MYO7B: variants seen among roughly 807,000 people sequenced by gnomAD.
The protein encoded by MYO7B is unconventional myosin-VIIb.
Under a neutral mutation model 259.7 loss-of-function variants are expected in MYO7B, and 212 were observed. The ratio of observed to expected loss-of-function variants is 0.82; its 90% CI spans 0.73 to 0.91. The LOEUF (loss-of-function observed/expected upper bound fraction) is 0.91. Among genes scored for constraint, MYO7B ranks in the 40% least tolerant of loss-of-function variants. The pLI is 0.00. For synonymous variants in MYO7B, 1,197 were observed against 1,166.4 expected (o/e 1.03, Z -0.54); for missense variants, 2,732 against 2,813.5 (o/e 0.97, Z 0.66).
Position 127,564,108 on chromosome 2 carries a change from A to G in MYO7B, c.19-45A>G, listed in dbSNP as rs150673911. The G allele has an allele frequency of 3.3e-4, 438 of 1,333,756 alleles. 7 individuals carry two copies. In the East Asian group the frequency reaches 0.011, roughly 35 times the overall value. The allele number at this position is 1,333,756 out of a possible 1,614,324, so 82.6% of individuals were successfully genotyped here. A position where few individuals can be genotyped will look rare whatever the true frequency, so the allele number is the denominator to read the frequency against. ...GAAGTAAGTATCCAGCAGGGAGGGG[A>G]AGAGAGAGCGGGGATCACACCACTG... On this transcript the variant is annotated intron_variant, in intron 2 of 47. Coordinates refer to ENST00000409816, the MANE Select transcript of MYO7B (RefSeq NM_001393586.1).
intron 1 of MYO7B, among the ~76,000 whole-genome samples, chr2:127,551,933 G>A (rs928028590): frequency 2.0e-5 from 3 of 152,284 alleles, no homozygotes; most frequent in South Asian, 2.1e-4. Context: ...GGAGGTGCAG[G>A]CCATGAGACC....
chr2:127,621,227 A>G (rs1680821821), intron 27 of MYO7B, among the ~76,000 whole-genome samples: 1 of 149,230 alleles, frequency 6.7e-6, no homozygotes, highest in African/African-American at 2.5e-5. Flanking sequence ...TTTCTTGAGC[A>G]TGTTGGGGAC....
At chr2:127,537,942 G>T (rs899392292) in intron 1 of MYO7B, among the ~76,000 whole-genome samples, 5 of 152,198 alleles carry the variant, frequency 3.3e-5, no homozygotes, top group Admixed American at 2.0e-4. Context: ...TGTCATTGTA[G>T]ACTCTGTTGT....
chr2:127,596,722 A>G (rs1440087451), intron 19 of MYO7B, among the ~76,000 whole-genome samples, 166 bp downstream of exon 19: 1 of 152,232 alleles, frequency 6.6e-6, no homozygotes, highest in Non-Finnish European at 1.5e-5. Context: ...TATGTTGGCC[A>G]GAGAATTCAG....
Position 127,576,772 on chromosome 2 carries a change from T to C in MYO7B, c.849+64T>C. 8.2e-7 allele frequency: 1 copy of C among 1,224,748 alleles called. No homozygotes were observed. The highest frequency in any genetic ancestry group is 1.2e-6 in the Non-Finnish European group (1 of 856,716). 75.9% of individuals were successfully genotyped at this position (1,224,748 alleles called of 1,614,324 possible). A position where few individuals can be genotyped will look rare whatever the true frequency, so the allele number is the denominator to read the frequency against. Reference sequence around the variant, plus strand: ...AGGGAGGAAAAAGAGCTTGTGCCGCTCCACCCTCCGCGACAGCTGCAGAGA... The same window carrying C: ...AGGGAGGAAAAAGAGCTTGTGCCGCCCCACCCTCCGCGACAGCTGCAGAGA... On this transcript the variant is annotated intron_variant, in intron 8 of 47. Coordinates refer to ENST00000409816, the MANE Select transcript of MYO7B (RefSeq NM_001393586.1). This position sits in a 1 kb window ranked among gnomAD's most constrained non-coding sequence, Gnocchi z 4.9.
chr2:127,633,425 C>T, intron 40 of MYO7B, 62 bp downstream of exon 40: 5 of 1,506,246 alleles, frequency 3.3e-6, no homozygotes, highest in Non-Finnish European at 4.6e-6. Context: ...GGGGCATCCT[C>T]CTTCCTGGCC....
chr2:127,593,366 C>T (rs1406168196), intron 17 of MYO7B, among the ~76,000 whole-genome samples, 180 bp from the exon 18 acceptor site: 1 of 151,874 alleles, frequency 6.6e-6, no homozygotes, highest in Non-Finnish European at 1.5e-5. Flanking sequence ...CCCCGGGCCC[C>T]GAGTTCCCTC....
chr2:127,549,886 G>A (rs1693382373), intron 1 of MYO7B, among the ~76,000 whole-genome samples: 1 of 152,128 alleles, frequency 6.6e-6, no homozygotes, highest in Non-Finnish European at 1.5e-5. Context: ...CATCCAAATG[G>A]CTTACCCCAA....
chr2:127,601,803 T>C (rs908887900), intron 19 of MYO7B, among the ~76,000 whole-genome samples: 3 of 152,182 alleles, frequency 2.0e-5, no homozygotes, highest in African/African-American at 7.2e-5. Flanking sequence ...CATCAACAGA[T>C]TCTTGGAAAC....
At chr2:127,545,803 G>A (rs1693206607) in intron 1 of MYO7B, among the ~76,000 whole-genome samples, 1 of 152,224 alleles carries the variant, frequency 6.6e-6, no homozygotes, top group African/African-American at 2.4e-5. Context: ...AGTAAGTGCT[G>A]CTCTTGTAAT....
rs567773773 is a variant in MYO7B at position 127,605,825 on chromosome 2, G to A, written c.2340-19G>A. 3.7e-6 allele frequency: 6 copies of A among 1,611,266 alleles called. No homozygotes were observed. The South Asian group carries it at 5.5e-5, about 15-fold the overall frequency. On this transcript the variant is annotated intron_variant, in intron 19 of 47. Coordinates refer to ENST00000409816, the MANE Select transcript of MYO7B (RefSeq NM_001393586.1). ...CATCTGGGATTGTTACATGTGTGTG[G>A]CTTGCATTGCCCTTCTAGGAAGGAG...
rs752189125 is a variant in MYO7B at position 127,610,032 on chromosome 2, C to T, written c.3192+16C>T. 3 of 1,606,850 alleles carry T rather than the reference C, an allele frequency of 1.9e-6. No homozygotes were observed. In the South Asian group the frequency reaches 3.3e-5, roughly 18 times the overall value. ...ATCTGCACAGGCAAGTGGGGGGCAG[C>T]AGCGGGCAGAGGAGGGCGACACCTA... On this transcript the variant is annotated intron_variant, in intron 24 of 47. Coordinates refer to ENST00000409816, the MANE Select transcript of MYO7B (RefSeq NM_001393586.1).
Position 127,597,246 on chromosome 2 carries a change from G to T in MYO7B, c.2339+690G>T, listed in dbSNP as rs1396465592. On this transcript the variant is annotated intron_variant, in intron 19 of 47. Transcript: ENST00000409816. This position sits in a 1 kb window ranked among gnomAD's most constrained non-coding sequence, Gnocchi z 4.8. ...ACCAAACAGGCCCACGTGGTCAGAG[G>T]CGAGGCAGGCTGGCCACCCTGACTC... 6.6e-6 allele frequency among the ~76,000 whole-genome samples: 1 copy of T among 152,258 alleles called. No individual in the cohort carries two copies. The highest frequency in any genetic ancestry group is 1.9e-4 in the East Asian group (1 of 5,206).
chr2:127,606,427 A>C (rs1026734305), intron 20 of MYO7B, among the ~76,000 whole-genome samples: 3 of 152,242 alleles, frequency 2.0e-5, no homozygotes, highest in Non-Finnish European at 4.4e-5. Flanking sequence ...AAATGGTCAC[A>C]TCAGCAAGAC....
rs1328262997 is a variant in MYO7B at position 127,625,441 on chromosome 2, T to C, written c.4121T>C (p.Val1374Ala). 1.9e-6 allele frequency: 3 copies of C among 1,611,720 alleles called. No individual in the cohort carries two copies. The East Asian group carries it at 6.7e-5, about 36-fold the overall frequency. ...QLGASAESKA[V>A]QELLPSCIPH... ...GGCGCCTCAGCAGAGAGCAAGGCTG[T>C]CCAGGAGCTGCTGCCCAGCTGCATC... is the stretch of plus-strand genomic sequence containing the variant. Residue 1374 changes from valine (V) to alanine (A), a missense_variant, in exon 31 of 48, where the codon GTC becomes GCC. Around this residue, in one of 3 missense-constraint regions of MYO7B, gnomAD observed 1,906 missense variants for 2,026.4 expected, o/e 0.94. Coordinates refer to ENST00000409816, the MANE Select transcript of MYO7B (RefSeq NM_001393586.1).
At chr2:127,621,853 G>A (rs573721015) in intron 27 of MYO7B, 129 bp from the exon 28 acceptor site, 138 of 1,340,238 alleles carry the variant, frequency 1.0e-4, no homozygotes, top group Middle Eastern at 1.8e-4. Context: ...TCCTTCTAAC[G>A]GGTGTGAGGG....
At chr2:127,563,634 G>A (rs1028355985) in intron 2 of MYO7B, among the ~76,000 whole-genome samples, 1 of 152,196 alleles carries the variant, frequency 6.6e-6, no homozygotes, top group Non-Finnish European at 1.5e-5. Context: ...ATGCCAGGAT[G>A]GGCTCCTGCC....
In MYO7B at chr2:127,584,013, T is replaced by G. The variant is rs1174682261; in HGVS notation, c.1344-109T>G. ...CACGAGGTGTGCATCTGTGGGCATA[T>G]CTGTATGCAGCTGTTTGCAGATGGC... is the stretch of plus-strand genomic sequence containing the variant. On this transcript the variant is annotated intron_variant, in intron 12 of 47. Coordinates refer to ENST00000409816, the MANE Select transcript of MYO7B (RefSeq NM_001393586.1). This position sits in a 1 kb window ranked among gnomAD's most constrained non-coding sequence, Gnocchi z 5.8. The G allele has an allele frequency of 6.3e-6, 6 of 953,204 alleles. No homozygotes were observed. The African/African-American group carries it at 9.7e-5, about 15-fold the overall frequency. 59.0% of individuals were successfully genotyped at this position (953,204 alleles called of 1,614,324 possible). A position where few individuals can be genotyped will look rare whatever the true frequency, so the allele number is the denominator to read the frequency against.
intron 1 of MYO7B, among the ~76,000 whole-genome samples, chr2:127,556,814 C>T (rs1193286399): frequency 6.6e-6 from 1 of 152,186 alleles, no homozygotes; most frequent in Non-Finnish European, 1.5e-5. Context: ...CCTCACAGCT[C>T]TTAAGATTCT....
Sources: gnomAD v4.1 joint callset for allele counts (sites outside exome capture counted in the v4.1 genomes callset) on GRCh38, gnomAD v4.1.1 for gene constraint, gnomAD v4.1.1 regional missense constraint, Gnocchi (gnomAD v3.1) non-coding constraint, MANE v1.5 for transcripts, NCBI Gene and HGNC (gene_info 2026-07-23, HGNC 2026-07-21) for gene names.